The following PACRG variants were observed in gnomAD, a reference collection of about 807,000 sequenced individuals.
The protein encoded by PACRG is parkin coregulated gene protein.
PACRG carries 29 observed loss-of-function variants against 29.7 expected under a neutral mutation model. That is an observed-to-expected ratio of 0.98 (90% CI 0.73 to 1.33). The LOEUF (loss-of-function observed/expected upper bound fraction) is 1.33. Among genes scored for constraint, PACRG ranks in the 40% most tolerant of loss-of-function variants. The pLI, the probability that PACRG is intolerant of heterozygous loss-of-function variation, is 0.00. For missense variants in PACRG, 279 were observed against 316.2 expected (o/e 0.88, Z 0.89); for synonymous variants, 116 against 118.7 (o/e 0.98, Z 0.15).
intron 4 of PACRG, chr6:163,190,949 C>G (rs1264222026): frequency 8.8e-6 from 4 of 456,074 alleles, no homozygotes; most frequent in Non-Finnish European, 1.8e-5. Flanking sequence ...GTCACCCAAT[C>G]CATTTCTGAG....
At chr6:162,954,142 TGTTA>T (rs1377803335) in intron 2 of PACRG, among the ~76,000 whole-genome samples, 2 of 152,212 alleles carry the variant, frequency 1.3e-5, no homozygotes, top group Non-Finnish European at 2.9e-5. Context: ...TCTTATTGTA[TGTTA>T]GAGTATCATC....
intron 2 of PACRG, among the ~76,000 whole-genome samples, chr6:162,875,158 G>GAC (rs57818867): frequency 0.22 from 32,914 of 150,936 alleles, 3,776 homozygotes; most frequent in Middle Eastern, 0.27. Flanking sequence ...TTCACACACA[G>GAC]ATGCACACAC....
intron 4 of PACRG, among the ~76,000 whole-genome samples, chr6:163,118,928 G>A (rs1816139498): frequency 1.3e-5 from 2 of 152,186 alleles, no homozygotes; most frequent in African/African-American, 2.4e-5. Flanking sequence ...AACACATAAA[G>A]CTTTAGGATA....
chr6:163,186,991 T>C (rs1395275039), intron 4 of PACRG, among the ~76,000 whole-genome samples: 1 of 152,238 alleles, frequency 6.6e-6, no homozygotes, highest in Non-Finnish European at 1.5e-5. Flanking sequence ...TCACGGGCTC[T>C]GTCTCCTCTC....
intron 2 of PACRG, among the ~76,000 whole-genome samples, chr6:162,820,894 A>C (rs934882310): frequency 1.3e-5 from 2 of 152,132 alleles, no homozygotes; most frequent in Admixed American, 6.5e-5. Flanking sequence ...TTTTTGTACA[A>C]GAGATCTGCC....
At chr6:163,197,429 CT>C (rs1412923839) in intron 4 of PACRG, among the ~76,000 whole-genome samples, 1 of 125,984 alleles carries the variant, frequency 7.9e-6, no homozygotes, top group African/African-American at 3.1e-5. Flanking sequence ...ATTTTCTTTT[CT>C]TTTCTTTTTT....
At chr6:163,023,700 A>G (rs1380831528) in intron 2 of PACRG, among the ~76,000 whole-genome samples, 2 of 152,214 alleles carry the variant, frequency 1.3e-5, no homozygotes, top group African/African-American at 2.4e-5. Context: ...CCAACAGTGT[A>G]TAAGTGTTCG....
intron 1 of PACRG, among the ~76,000 whole-genome samples, chr6:162,737,249 C>T (rs1780233720): frequency 6.6e-6 from 1 of 152,124 alleles, no homozygotes; most frequent in Non-Finnish European, 1.5e-5. Context: ...ATCTCAGCAC[C>T]TCTGAAACCT....
chr6:163,050,421 T>C (rs530648549), intron 2 of PACRG, among the ~76,000 whole-genome samples: 2 of 152,120 alleles, frequency 1.3e-5, no homozygotes, highest in East Asian at 1.9e-4. Context: ...CCCCGCTTTA[T>C]AAACCCGCCA....
At chr6:163,068,790 C>T (rs1811782057) in intron 3 of PACRG, among the ~76,000 whole-genome samples, 2 of 151,496 alleles carry the variant, frequency 1.3e-5, no homozygotes, top group African/African-American at 4.9e-5. Context: ...TCTGACTGTT[C>T]CTTTTTTTAT....
At chr6:162,799,508 GCTTT>G (rs1218080716) in intron 1 of PACRG, among the ~76,000 whole-genome samples, 2 of 151,972 alleles carry the variant, frequency 1.3e-5, no homozygotes, top group African/African-American at 2.4e-5. Context: ...TACATTTCTT[GCTTT>G]CTTTATTATT....
At chr6:162,910,301 C>A (rs537673641) in intron 2 of PACRG, among the ~76,000 whole-genome samples, 1 of 152,272 alleles carries the variant, frequency 6.6e-6, no homozygotes, top group East Asian at 1.9e-4. Context: ...GATGCTAAAG[C>A]CCTCACAGTT....
chr6:162,868,542 CTCTG>C (rs1458188078), intron 2 of PACRG, among the ~76,000 whole-genome samples: 1 of 152,188 alleles, frequency 6.6e-6, no homozygotes, highest in Non-Finnish European at 1.5e-5. Flanking sequence ...AGGATAGGGA[CTCTG>C]TCTGAGTGCC....
At chr6:162,898,076 A>G (rs908018) in intron 2 of PACRG, among the ~76,000 whole-genome samples, 90,296 of 152,056 alleles carry the variant, frequency 0.59, 27,533 homozygotes, top group African/African-American at 0.72. Flanking sequence ...TTCTGGAAAG[A>G]GAGTGAAGTT....
chr6:162,894,196 G>A (rs1162350469), intron 2 of PACRG, among the ~76,000 whole-genome samples: 1 of 152,110 alleles, frequency 6.6e-6, no homozygotes, highest in East Asian at 1.9e-4. Context: ...CCTCCCTCAA[G>A]CCCAGAACCA....
chr6:163,206,858 C>A (rs887800998), intron 4 of PACRG, among the ~76,000 whole-genome samples: 2 of 151,318 alleles, frequency 1.3e-5, no homozygotes, highest in Non-Finnish European at 2.9e-5. Context: ...GAAAGAAATG[C>A]AAAATTAACA....
At chr6:162,958,864 TATATATATATATATATATATAGAG>T (rs1394312756) in intron 2 of PACRG, among the ~76,000 whole-genome samples, 87 of 67,224 alleles carry the variant, frequency 1.3e-3, no homozygotes, top group Non-Finnish European at 1.8e-3. Context: ...TATATATATA[TATATATATATATATATATATAGAG>T]AGAGAGAGAG....
intron 2 of PACRG, among the ~76,000 whole-genome samples, chr6:162,869,014 CAT>C (rs955231118): frequency 2.0e-5 from 3 of 152,212 alleles, no homozygotes; most frequent in Admixed American, 6.5e-5. Context: ...GGGACGATGA[CAT>C]GTGCATCCTC....
intron 2 of PACRG, among the ~76,000 whole-genome samples, chr6:163,056,262 A>G (rs960305735): frequency 7.9e-5 from 12 of 152,250 alleles, no homozygotes; most frequent in Non-Finnish European, 1.8e-4. Context: ...AATTGAAACC[A>G]GGTGTTCAAA....
Sources: gnomAD v4.1 joint callset for allele counts (sites outside exome capture counted in the v4.1 genomes callset) on GRCh38, gnomAD v4.1.1 for gene constraint, MANE v1.5 for transcripts, NCBI Gene and HGNC (gene_info 2026-07-23, HGNC 2026-07-21) for gene names.